Variants in UBE2R2 observed in about 807,000 individuals in gnomAD.
UBE2R2 encodes the protein ubiquitin conjugating enzyme E2 R2.
UBE2R2 carries 1 observed loss-of-function variant against 27.8 expected under a neutral mutation model. That is an observed-to-expected ratio of 0.04 (90% CI 0.01 to 0.17). The LOEUF (loss-of-function observed/expected upper bound fraction) is 0.17, where lower values mean the gene tolerates loss of function less well. UBE2R2 is among the 10% of genes least tolerant of loss of function. The pLI is 1.00. For synonymous variants in UBE2R2, 106 were observed against 113.3 expected (o/e 0.94, Z 0.41); for missense variants, 100 against 291.0 (o/e 0.34, Z 4.78).
At chr9:33,903,826 T>C (rs1822296345) in intron 3 of UBE2R2, among the ~76,000 whole-genome samples, 2 of 152,182 alleles carry the variant, frequency 1.3e-5, no homozygotes, top group Admixed American at 1.3e-4. Flanking sequence ...TTTCCCTGCT[T>C]TTATGCTGCT....
intron 1 of UBE2R2, among the ~76,000 whole-genome samples, chr9:33,818,308 TG>T (rs970954325): frequency 1.0e-4 from 14 of 134,980 alleles, no homozygotes; most frequent in African/African-American, 3.6e-4. Flanking sequence ...CTGCGCAGGC[TG>T]GAACTGCCCC....
At chr9:33,830,723 G>A (rs916584801) in intron 1 of UBE2R2, among the ~76,000 whole-genome samples, 7 of 150,834 alleles carry the variant, frequency 4.6e-5, no homozygotes, top group African/African-American at 1.2e-4. Context: ...AGCCAAGATC[G>A]GCCACTGCAA....
intron 3 of UBE2R2, among the ~76,000 whole-genome samples, chr9:33,908,778 G>C (rs1269868612): frequency 6.6e-6 from 1 of 152,176 alleles, no homozygotes; most frequent in Non-Finnish European, 1.5e-5. Flanking sequence ...GATTCATCTA[G>C]ATCTGTGTTG....
chr9:33,841,081 C>G (rs928753923), intron 1 of UBE2R2, among the ~76,000 whole-genome samples: 1 of 151,646 alleles, frequency 6.6e-6, no homozygotes, highest in Non-Finnish European at 1.5e-5. Context: ...CCTGCCACCA[C>G]GCCTGATTTT....
chr9:33,819,908 A>T (rs911750860), intron 1 of UBE2R2, among the ~76,000 whole-genome samples: 6 of 152,356 alleles, frequency 3.9e-5, no homozygotes, highest in Non-Finnish European at 8.8e-5. Flanking sequence ...AAGTGCTGGG[A>T]TTACAGGCGT....
upstream of UBE2R2, among the ~76,000 whole-genome samples, chr9:33,816,713 G>A (rs962907557): frequency 6.6e-6 from 1 of 152,230 alleles, no homozygotes; most frequent in Non-Finnish European, 1.5e-5. Flanking sequence ...AGGGACCGCA[G>A]ACTGGGTGTC....
intron 2 of UBE2R2, among the ~76,000 whole-genome samples, chr9:33,896,436 G>C (rs1238110316): frequency 2.6e-5 from 4 of 151,338 alleles, no homozygotes; most frequent in Non-Finnish European, 4.4e-5. Flanking sequence ...GATGTTAGCT[G>C]TGGGTTTTTT....
intron 1 of UBE2R2, among the ~76,000 whole-genome samples, chr9:33,830,741 TG>T (rs999286072): frequency 1.4e-5 from 2 of 147,392 alleles, no homozygotes; most frequent in African/African-American, 5.0e-5. Context: ...CAATCCAGCC[TG>T]GGGGACACAG....
intron 3 of UBE2R2, among the ~76,000 whole-genome samples, chr9:33,901,663 G>A (rs1822247488): frequency 6.6e-6 from 1 of 152,096 alleles, no homozygotes; most frequent in African/African-American, 2.4e-5. Context: ...TTCCTGACTT[G>A]TAATAGAAGC....
intron 1 of UBE2R2, among the ~76,000 whole-genome samples, chr9:33,886,401 A>G (rs952124435): frequency 2.6e-5 from 4 of 152,174 alleles, no homozygotes; most frequent in African/African-American, 9.7e-5. Flanking sequence ...TCACGCCTGT[A>G]ATCCCAGCAC....
intron 1 of UBE2R2, among the ~76,000 whole-genome samples, chr9:33,859,405 A>G (rs1337093129): frequency 6.6e-6 from 1 of 152,130 alleles, no homozygotes; most frequent in Admixed American, 6.6e-5. Flanking sequence ...GGAATCCCTA[A>G]CCTGCCTGAT....
In UBE2R2 at chr9:33,898,426, C is replaced by G. The variant is rs147365171; in HGVS notation, c.265-1748C>G. On this transcript the variant is annotated intron_variant, in intron 2 of 4. Coordinates refer to ENST00000263228, the MANE Select transcript of UBE2R2 (RefSeq NM_017811.4). The stretch of plus-strand genomic sequence containing the variant: ...TAACTTTTTACATGCCTTATGGTAT[C>G]TAACCATAAGGCAGTGTGTTAGAAT... Among the ~76,000 whole-genome samples, 77 of 152,028 alleles carry G rather than the reference C, an allele frequency of 5.1e-4. 1 individual carries two copies. The East Asian group carries it at 0.013, about 26-fold the overall frequency.
chr9:33,847,879 G>A (rs969151199), intron 1 of UBE2R2, among the ~76,000 whole-genome samples: 3 of 150,822 alleles, frequency 2.0e-5, no homozygotes, highest in Non-Finnish European at 2.9e-5. Context: ...AGCCTCCCAA[G>A]TAGCTGGGAT....
chr9:33,825,546 CAAAGCTTTT>C (rs1050762383), intron 1 of UBE2R2, among the ~76,000 whole-genome samples: 7 of 152,100 alleles, frequency 4.6e-5, no homozygotes, highest in Non-Finnish European at 5.9e-5. Flanking sequence ...TGTCCAAAAG[CAAAGCTTTT>C]AAAGCTTTAA....
intron 3 of UBE2R2, among the ~76,000 whole-genome samples, chr9:33,903,429 G>A (rs1352394418): frequency 2.0e-5 from 3 of 152,070 alleles, no homozygotes; most frequent in African/African-American, 7.2e-5. Flanking sequence ...CCCTATTTGA[G>A]AAAATAAGCT....
intron 1 of UBE2R2, among the ~76,000 whole-genome samples, chr9:33,884,329 G>T (rs2130793994): frequency 7.3e-6 from 1 of 136,782 alleles, no homozygotes. Flanking sequence ...CTGCTGCCCA[G>T]CCCTGAGTGC....
chr9:33,843,812 T>A (rs1286423757), intron 1 of UBE2R2, among the ~76,000 whole-genome samples: 1 of 152,230 alleles, frequency 6.6e-6, no homozygotes, highest in African/African-American at 2.4e-5. Flanking sequence ...ACAGGAAGTT[T>A]ATAGAGATGT....
At chr9:33,861,876 C>T (rs533558912) in intron 1 of UBE2R2, among the ~76,000 whole-genome samples, 220 of 115,158 alleles carry the variant, frequency 1.9e-3, no homozygotes, top group African/African-American at 6.6e-3. Flanking sequence ...TTTTTTAAGA[C>T]GGAGTCTCAC....
At chr9:33,856,716 TTTTCTTTCCATTTTATGTTG>T (rs1159207248) in intron 1 of UBE2R2, among the ~76,000 whole-genome samples, 1 of 151,842 alleles carries the variant, frequency 6.6e-6, no homozygotes, top group African/African-American at 2.4e-5. Context: ...TTCTTTTTTT[TTTTCTTTCCATTTTATGTTG>T]TTTCCTTTGT....
Sources: allele counts gnomAD v4.1 joint callset (sites outside exome capture counted in the v4.1 genomes callset), GRCh38; gene constraint gnomAD v4.1.1; transcripts MANE v1.5; gene names NCBI Gene and HGNC (gene_info 2026-07-23, HGNC 2026-07-21).